The following CFAP100 variants were observed in gnomAD, a reference collection of about 807,000 sequenced individuals.
CFAP100 encodes cilia and flagella associated protein 100, also known as cilia- and flagella-associated protein 100.
Under a neutral mutation model 81.5 loss-of-function variants are expected in CFAP100, and 70 were observed. That is an observed-to-expected ratio of 0.86 (90% CI 0.71 to 1.05). CFAP100 has a LOEUF of 1.05. CFAP100 is among the 50% of genes least tolerant of loss of function. The pLI is 0.00. For synonymous variants in CFAP100, 341 were observed against 314.8 expected, an observed-to-expected ratio of 1.08 and a Z score of -0.88; for missense variants, 811 against 776.5, an observed-to-expected ratio of 1.04 and a Z score of -0.53.
intron 5 of CFAP100, among the ~76,000 whole-genome samples, chr3:126,417,685 G>A (rs1156473075): frequency 6.6e-6 from 1 of 152,236 alleles, no homozygotes; most frequent in Non-Finnish European, 1.5e-5. Flanking sequence ...CAGGGGTAGG[G>A]ACATCTCCGT....
intron 2 of CFAP100, 105 bp downstream of exon 2, chr3:126,396,154 G>T: frequency 1.2e-6 from 1 of 867,902 alleles, no homozygotes; most frequent in East Asian, 2.4e-5. Context: ...CACTAGGCAG[G>T]AGTCATAGAT....
rs781448705 is a variant in CFAP100, at chr3:126,420,340, A to T, written c.1082+111A>T. On this transcript the variant is annotated intron_variant, in intron 11 of 16. Coordinates refer to ENST00000352312, the MANE Select transcript of CFAP100 (RefSeq NM_182628.3). ...CCACAGAAAAGAAAGTGTGTTACTCACAGTCCCTACTCCAAGAAGGGCCAG... is the reference window on the plus strand; with the variant it reads ...CCACAGAAAAGAAAGTGTGTTACTCTCAGTCCCTACTCCAAGAAGGGCCAG... The T allele has an allele frequency of 1.7e-5, 25 of 1,429,830 alleles. No homozygotes were observed. In the Middle Eastern group the frequency reaches 1.0e-3, roughly 58 times the overall value. The allele number at this position is 1,429,830 out of a possible 1,614,324, so 88.6% of individuals were successfully genotyped here.
intron 4 of CFAP100, 108 bp from the exon 5 acceptor site, chr3:126,416,208 C>T: frequency 1.1e-6 from 1 of 945,296 alleles, no homozygotes; most frequent in South Asian, 1.7e-5. Context: ...TTCAGGTCCC[C>T]GCGTCCTCGC....
At chr3:126,432,784 C>T (rs537733895) in intron 13 of CFAP100, 2 of 270,288 alleles carry the variant, frequency 7.4e-6, no homozygotes, top group African/African-American at 4.4e-5. Context: ...TAAAAAATTA[C>T]TGACTTGTAT....
At chr3:126,430,973 G>A (rs1933198108) in intron 13 of CFAP100, among the ~76,000 whole-genome samples, 1 of 152,088 alleles carries the variant, frequency 6.6e-6, no homozygotes, top group African/African-American at 2.4e-5. Context: ...ATGTTTCCCT[G>A]ATTTTTCATG....
intron 2 of CFAP100, among the ~76,000 whole-genome samples, chr3:126,405,937 C>T (rs947693401): frequency 6.6e-6 from 1 of 152,022 alleles, no homozygotes; most frequent in African/African-American, 2.4e-5. Context: ...ACATCCAGAT[C>T]CATTGCTTTT....
intron 3 of CFAP100, among the ~76,000 whole-genome samples, chr3:126,413,711 G>A (rs2083191270): frequency 1.3e-5 from 2 of 152,232 alleles, no homozygotes; most frequent in Admixed American, 1.3e-4. Context: ...CATGAGTTCA[G>A]TGTCAGCAGA....
chr3:126,414,394 C>T, intron 4 of CFAP100: 5 of 667,690 alleles, frequency 7.5e-6, no homozygotes, highest in Admixed American at 6.4e-5. Context: ...TCTGTCACCA[C>T]TCTTCTTGGG....
intron 5 of CFAP100, 71 bp from the exon 6 acceptor site, chr3:126,418,387 T>C (rs1183747737): frequency 7.0e-7 from 1 of 1,436,342 alleles, no homozygotes; most frequent in Non-Finnish European, 9.8e-7. Flanking sequence ...GGAAGGCTCC[T>C]CTGCAGACCT....
At chr3:126,400,496 A>G (rs944933270) in intron 2 of CFAP100, among the ~76,000 whole-genome samples, 4 of 152,122 alleles carry the variant, frequency 2.6e-5, no homozygotes, top group Admixed American at 6.5e-5. Context: ...ACTCTCGCCT[A>G]AAATCCCAGC....
chr3:126,430,698 A>T (rs1933179327), intron 13 of CFAP100, among the ~76,000 whole-genome samples: 1 of 150,866 alleles, frequency 6.6e-6, no homozygotes, highest in Admixed American at 6.6e-5. Context: ...TGCTTGATCT[A>T]GTCTGCTGTT....
At chr3:126,408,103 A>G (rs1032456229) in intron 3 of CFAP100, among the ~76,000 whole-genome samples, 1 of 152,260 alleles carries the variant, frequency 6.6e-6, no homozygotes, top group Non-Finnish European at 1.5e-5. Flanking sequence ...GTCCAGATGT[A>G]GAGATTGGAG....
intron 7 of CFAP100, 26 bp from the exon 8 acceptor site, chr3:126,419,050 C>CAACAA: frequency 1.7e-6 from 2 of 1,195,020 alleles, no homozygotes; most frequent in Non-Finnish European, 1.2e-6. Context: ...GCCCCCATCC[C>CAACAA]TCCTCCCCCG....
chr3:126,418,374 GGT>G (rs1320624365), intron 5 of CFAP100, 82 bp from the exon 6 acceptor site: 3 of 1,249,218 alleles, frequency 2.4e-6, no homozygotes, highest in Non-Finnish European at 3.5e-6. Flanking sequence ...GCCAGCAGCC[GGT>G]GGAAGGCTCC....
rs1037180705 is a variant in CFAP100 at position 126,434,296 on chromosome 3, G to C, written c.1543G>C (p.Asp515His). 1.2e-5 allele frequency: 19 copies of C among 1,614,018 alleles called. No homozygotes were observed. The highest frequency in any genetic ancestry group is 1.5e-5 in the Non-Finnish European group (18 of 1,180,040). Residue 515 changes from aspartate (D) to histidine (H), a missense_variant, in exon 15 of 17, where the codon GAT (aspartate) becomes CAT (histidine). Coordinates refer to ENST00000352312, the MANE Select transcript of CFAP100 (RefSeq NM_182628.3). ...QMLTIIEHQL[D>H]ELLENLEHVP... ...GCTGACCATCATTGAGCACCAGCTG[G>C]ATGAGCTGCTAGAGAACCTGGAGCA...
In CFAP100 at chr3:126,436,480, C is replaced by A; in HGVS notation, c.*76C>A. On this transcript the variant is annotated 3_prime_UTR_variant, in exon 17 of 17. Transcript: ENST00000352312. ...AGAGGAAGCAGAGACTGGGCTGGGT[C>A]TCGAGTGGCCCAACTGAGTCCTCTC... 1 of 1,079,286 alleles carries A rather than the reference C, an allele frequency of 9.3e-7. No homozygotes were observed. 66.9% of individuals were successfully genotyped at this position (1,079,286 alleles called of 1,614,324 possible). A position where few individuals can be genotyped will look rare whatever the true frequency, so the allele number is the denominator to read the frequency against.
At chr3:126,433,231 G>A in intron 14 of CFAP100, 27 bp downstream of exon 14, 1 of 1,613,390 alleles carries the variant, frequency 6.2e-7, no homozygotes, top group Non-Finnish European at 8.5e-7. Context: ...GGTGGCCAGA[G>A]GCCCAGGGTA....
At chr3:126,417,753 G>C (rs540358842) in intron 5 of CFAP100, among the ~76,000 whole-genome samples, 2 of 152,362 alleles carry the variant, frequency 1.3e-5, no homozygotes, top group East Asian at 3.9e-4. Context: ...TGGGAACAGA[G>C]CTCTTGCACC....
chr3:126,400,398 G>A (rs1056431476), intron 2 of CFAP100, among the ~76,000 whole-genome samples: 3 of 152,154 alleles, frequency 2.0e-5, no homozygotes, highest in Non-Finnish European at 4.4e-5. Context: ...CGAGGATGTG[G>A]GGAAAATGAA....
Sources: gnomAD v4.1 joint callset for allele counts (sites outside exome capture counted in the v4.1 genomes callset) on GRCh38, gnomAD v4.1.1 for gene constraint, MANE v1.5 for transcripts, NCBI Gene and HGNC (gene_info 2026-07-23, HGNC 2026-07-21) for gene names.